Variants in RNF128 observed in about 807,000 individuals in gnomAD.
RNF128 encodes the protein ring finger protein 128, also known as E3 ubiquitin-protein ligase RNF128.
In RNF128, 13 loss-of-function variants were observed where a neutral mutation model predicts 26.2. The observed-to-expected ratio is 0.50, with a 90% CI of 0.32 to 0.79. The LOEUF is 0.79. Among genes scored for constraint, RNF128 ranks in the 30% least tolerant of loss-of-function variants. The probability of loss-of-function intolerance (pLI) is 0.03; values close to 1 mark genes in which losing one functional copy is unlikely to be tolerated. For synonymous variants in RNF128, 149 were observed against 142.5 expected, an observed-to-expected ratio of 1.05 and a Z score of -0.32; for missense variants, 315 against 349.7, an observed-to-expected ratio of 0.90 and a Z score of 0.79.
chrX:106,772,633 T>A (rs1204034798), intron 1 of RNF128, among the ~76,000 whole-genome samples: 5 of 111,438 alleles, frequency 4.5e-5, no homozygotes, highest in Non-Finnish European at 9.4e-5. Context: ...AAGGCAATAC[T>A]GTTGAATTAT....
At chrX:106,765,481 G>A (rs1261386286) in intron 1 of RNF128, among the ~76,000 whole-genome samples, 2 of 110,908 alleles carry the variant, frequency 1.8e-5, no homozygotes, top group Non-Finnish European at 3.8e-5. Flanking sequence ...TTAGAGAAAA[G>A]ACAAATAATG....
At chrX:106,753,431 T>C (rs1929939145) in intron 1 of RNF128, among the ~76,000 whole-genome samples, 1 of 111,400 alleles carries the variant, frequency 9.0e-6, no homozygotes, top group African/African-American at 3.3e-5. Flanking sequence ...ATAACATTCA[T>C]GGTAGCCTCA....
At position 106,744,114 on chromosome X, in the gene RNF128, G is replaced by T. The variant is rs763385558; in HGVS notation, c.484+16717G>T. 3.6e-5 allele frequency among the ~76,000 whole-genome samples: 4 copies of T among 110,396 alleles called. No homozygotes were observed. The East Asian group carries it at 1.2e-3, about 32-fold the overall frequency. ...ACTGGGGCCTGTTGGGTGGGGGAAG[G>T]GGGGAGGGATAGCATTAGGAGATAT... On this transcript the variant is annotated intron_variant, in intron 1 of 6. Coordinates refer to ENST00000255499, the MANE Select transcript of RNF128 (RefSeq NM_194463.2).
At chrX:106,777,264 T>C (rs1208082473) in intron 2 of RNF128, among the ~76,000 whole-genome samples, 2 of 112,103 alleles carry the variant, frequency 1.8e-5, no homozygotes, top group East Asian at 5.6e-4. Context: ...TTTAGTTCAT[T>C]ACTATATTAA....
At chrX:106,757,643 G>A (rs750399082) in intron 1 of RNF128, among the ~76,000 whole-genome samples, 1 of 94,335 alleles carries the variant, frequency 1.1e-5, no homozygotes, top group Admixed American at 1.2e-4. Flanking sequence ...TAGATGACGA[G>A]TTAGTGGGTG....
intron 1 of RNF128, among the ~76,000 whole-genome samples, chrX:106,698,276 G>A (rs1341111716): frequency 9.1e-6 from 1 of 109,508 alleles, no homozygotes; most frequent in African/African-American, 3.3e-5. Flanking sequence ...AGCAAGGTCA[G>A]TAATTTGGGA....
At chrX:106,769,365 C>G in intron 1 of RNF128, among the ~76,000 whole-genome samples, 1 of 110,636 alleles carries the variant, frequency 9.0e-6, no homozygotes, top group Admixed American at 9.6e-5. Context: ...CTTTGTAGGT[C>G]TCTAAGGACT....
At chrX:106,739,904 C>G (rs1402859688) in intron 1 of RNF128, among the ~76,000 whole-genome samples, 3 of 111,429 alleles carry the variant, frequency 2.7e-5, no homozygotes, top group African/African-American at 9.8e-5. Flanking sequence ...GGAATAATAA[C>G]TAATTGGACT....
intron 3 of RNF128, among the ~76,000 whole-genome samples, chrX:106,785,624 A>G (rs1930643143): frequency 8.9e-6 from 1 of 111,909 alleles, no homozygotes; most frequent in Non-Finnish European, 1.9e-5. Flanking sequence ...GGAGTGCAGT[A>G]TTGCCAATGC....
intron 1 of RNF128, among the ~76,000 whole-genome samples, chrX:106,705,301 C>A (rs1038421621): frequency 9.0e-6 from 1 of 111,587 alleles, no homozygotes; most frequent in East Asian, 2.8e-4. Flanking sequence ...TTATTTGGGG[C>A]TCTTTTAATA....
chrX:106,769,575 T>A (rs1433339942), intron 1 of RNF128, among the ~76,000 whole-genome samples: 2 of 104,177 alleles, frequency 1.9e-5, no homozygotes, highest in Admixed American at 1.0e-4. Flanking sequence ...GCTTTCCATT[T>A]GCTTGGTATA....
At chrX:106,772,156 C>T (rs1177024670) in intron 1 of RNF128, among the ~76,000 whole-genome samples, 2 of 111,521 alleles carry the variant, frequency 1.8e-5, no homozygotes, top group East Asian at 5.6e-4. Flanking sequence ...TTTTTTTCCA[C>T]AAAACTTATA....
At chrX:106,767,835 A>G (rs1038504371) in intron 1 of RNF128, among the ~76,000 whole-genome samples, 2 of 111,627 alleles carry the variant, frequency 1.8e-5, no homozygotes, top group Non-Finnish European at 3.8e-5. Context: ...CATTCTGTAT[A>G]ATATTGGCTG....
At chrX:106,725,075 G>GT (rs746081167), upstream of RNF128, among the ~76,000 whole-genome samples, 1 of 111,971 alleles carries the variant, frequency 8.9e-6, no homozygotes, top group Non-Finnish European at 1.9e-5. Flanking sequence ...TGTCATTCAG[G>GT]TAATATCAAT....
At chrX:106,753,863 T>C (rs1256569314) in intron 1 of RNF128, among the ~76,000 whole-genome samples, 1 of 112,241 alleles carries the variant, frequency 8.9e-6, no homozygotes, top group African/African-American at 3.2e-5. Context: ...AAGAAGGTCA[T>C]TATATAATGA....
rs777117445 is a variant in RNF128, at chrX:106,694,094, A to G, written c.92A>G (p.Tyr31Cys). Reference sequence around the variant, plus strand: ...ACAGCATCTTTTTCAATGAGTGCCTATGTGACTGTGACTTATTACAATGAA... The same window carrying G: ...ACAGCATCTTTTTCAATGAGTGCCTGTGTGACTGTGACTTATTACAATGAA... Residue 31 changes from tyrosine to cysteine, a missense_variant, in exon 1 of 7, where the codon TAT (tyrosine) becomes TGT (cysteine). Physicochemically the swap from Tyr to Cys is radical, Grantham distance 194. Coordinates refer to the RNF128 transcript ENST00000324342. The G allele has an allele frequency of 2.2e-5, 26 of 1,207,072 alleles. No individual in the cohort carries two copies. The Admixed American group carries it at 5.5e-4, about 25-fold the overall frequency.
At chrX:106,767,268 G>T (rs1781728195) in intron 1 of RNF128, among the ~76,000 whole-genome samples, 1 of 111,732 alleles carries the variant, frequency 8.9e-6, no homozygotes, top group South Asian at 3.8e-4. Flanking sequence ...TTGGCAGCTT[G>T]ATGGGGATGG....
upstream of RNF128, chrX:106,726,560 A>T: frequency 2.6e-5 from 17 of 649,007 alleles, no homozygotes; most frequent in Non-Finnish European, 3.2e-5. Flanking sequence ...ACAGCCTCAG[A>T]TCCTATTCTA....
chrX:106,705,116 G>C (rs1039126004), intron 1 of RNF128, among the ~76,000 whole-genome samples: 2 of 111,456 alleles, frequency 1.8e-5, no homozygotes, highest in Admixed American at 9.5e-5. Context: ...ACGGTGGAGG[G>C]TAACAAGTGC....
Sources: allele counts gnomAD v4.1 joint callset (sites outside exome capture counted in the v4.1 genomes callset), GRCh38; gene constraint gnomAD v4.1.1; transcripts MANE v1.5; gene names NCBI Gene and HGNC (gene_info 2026-07-23, HGNC 2026-07-21).